ACTR3C: variants seen among roughly 807,000 people sequenced by gnomAD.
ACTR3C encodes actin-related protein 3C.
In ACTR3C, 18 loss-of-function variants were observed where a neutral mutation model predicts 26.3. That is an observed-to-expected ratio of 0.68 (90% CI 0.47 to 1.01). ACTR3C has a LOEUF of 1.01. ACTR3C is among the 50% of genes least tolerant of loss of function. The probability of loss-of-function intolerance (pLI) is 0.00; values close to 1 mark genes in which losing one functional copy is unlikely to be tolerated. For missense variants in ACTR3C, 184 were observed against 250.7 expected (o/e 0.73, Z 1.80); for synonymous variants, 55 against 94.5 (o/e 0.58, Z 2.42).
chr7:150,184,511 A>C, the ACTR3C span, among the ~76,000 whole-genome samples: 1 of 150,422 alleles, frequency 6.6e-6, no homozygotes, highest in Non-Finnish European at 1.5e-5. Flanking sequence ...CCAGAGGTGA[A>C]TCTATCTCCA....
chr7:150,183,246 G>A, the ACTR3C span, among the ~76,000 whole-genome samples: 1 of 148,706 alleles, frequency 6.7e-6, no homozygotes. Flanking sequence ...TGTGTTCCAG[G>A]TATAGCATTA....
At chr7:150,275,027 C>T (rs1834757637) in intron 6 of ACTR3C, among the ~76,000 whole-genome samples, 1 of 152,320 alleles carries the variant, frequency 6.6e-6, no homozygotes, top group Admixed American at 6.5e-5. Context: ...GGCAGGTCAG[C>T]ATTTTAGCCA....
the ACTR3C span, among the ~76,000 whole-genome samples, chr7:150,204,441 G>A: frequency 2.0e-3 from 304 of 150,226 alleles, no homozygotes; most frequent in African/African-American, 7.3e-3. Flanking sequence ...GTGTGAGGAT[G>A]TGTGAAGGCA....
intron 1 of ACTR3C, among the ~76,000 whole-genome samples, chr7:150,302,474 G>C (rs1795501182): frequency 6.6e-6 from 1 of 151,710 alleles, no homozygotes; most frequent in Admixed American, 6.6e-5. Context: ...ACTAAAAATA[G>C]TGGAACTGCT....
chr7:150,027,352 A>G, the ACTR3C span, among the ~76,000 whole-genome samples: 1 of 149,510 alleles, frequency 6.7e-6, no homozygotes, highest in Admixed American at 6.6e-5. Context: ...CTCACTGCAA[A>G]CTCCGCCTCC....
chr7:149,934,263 C>T, the ACTR3C span, among the ~76,000 whole-genome samples: 3 of 152,150 alleles, frequency 2.0e-5, no homozygotes, highest in Non-Finnish European at 4.4e-5. Context: ...TTAAATTCCA[C>T]TCAATGTTAG....
chr7:150,004,175 A>G, the ACTR3C span, among the ~76,000 whole-genome samples: 2 of 150,626 alleles, frequency 1.3e-5, no homozygotes, highest in Non-Finnish European at 1.5e-5. Flanking sequence ...TGTATGATGT[A>G]TGATGTCATA....
At chr7:150,059,111 T>C in the ACTR3C span, among the ~76,000 whole-genome samples, 2 of 152,182 alleles carry the variant, frequency 1.3e-5, no homozygotes, top group Non-Finnish European at 2.9e-5. Context: ...CTGTAGGACA[T>C]ACTGCACACC....
chr7:150,253,086 G>A (rs562439828), intron 6 of ACTR3C, among the ~76,000 whole-genome samples: 4 of 152,210 alleles, frequency 2.6e-5, no homozygotes, highest in East Asian at 1.9e-4. Context: ...GCTGAATGAC[G>A]TGTACTTGAA....
At chr7:150,086,355 T>C in the ACTR3C span, among the ~76,000 whole-genome samples, 2 of 152,378 alleles carry the variant, frequency 1.3e-5, no homozygotes, top group African/African-American at 4.8e-5. Flanking sequence ...CTTATGCTAG[T>C]ATAAATTTGA....
intron 1 of ACTR3C, among the ~76,000 whole-genome samples, chr7:150,315,200 G>A (rs943934413): frequency 7.3e-5 from 11 of 150,454 alleles, no homozygotes; most frequent in African/African-American, 2.7e-4. Context: ...TCTCTAAAAG[G>A]ACACAAAAAG....
chr7:149,998,387 G>A, the ACTR3C span, among the ~76,000 whole-genome samples: 5 of 149,284 alleles, frequency 3.3e-5, no homozygotes, highest in African/African-American at 1.2e-4. Context: ...ACCTGTATTC[G>A]TCCATTCTCA....
the ACTR3C span, among the ~76,000 whole-genome samples, chr7:150,186,970 C>T: frequency 1.3e-5 from 2 of 152,024 alleles, no homozygotes; most frequent in African/African-American, 2.4e-5. Flanking sequence ...CTTTCTCAAA[C>T]TATTTACAGG....
At chr7:150,137,951 T>A in the ACTR3C span, among the ~76,000 whole-genome samples, 1 of 152,168 alleles carries the variant, frequency 6.6e-6, no homozygotes, top group African/African-American at 2.4e-5. Flanking sequence ...TCTAGATGGT[T>A]CCACATGGGT....
At chr7:150,278,877 A>T (rs551836864) in intron 6 of ACTR3C, among the ~76,000 whole-genome samples, 8 of 152,206 alleles carry the variant, frequency 5.3e-5, no homozygotes, top group Non-Finnish European at 1.5e-5. Flanking sequence ...ATCTGTTCAC[A>T]TATTATACTT....
At chr7:149,892,937 A>C in the ACTR3C span, among the ~76,000 whole-genome samples, 4 of 151,486 alleles carry the variant, frequency 2.6e-5, no homozygotes, top group African/African-American at 9.7e-5. Flanking sequence ...CTGTAGCCAA[A>C]AAAAGTACCA....
chr7:150,252,154 G>A (rs2129609321), intron 6 of ACTR3C, among the ~76,000 whole-genome samples: 1 of 152,128 alleles, frequency 6.6e-6, no homozygotes, highest in South Asian at 2.1e-4. Flanking sequence ...GTGCATGTGT[G>A]TGTGTGTGTG....
At chr7:150,189,654 A>G in the ACTR3C span, among the ~76,000 whole-genome samples, 2 of 122,428 alleles carry the variant, frequency 1.6e-5, no homozygotes, top group African/African-American at 6.3e-5. Context: ...ATTATTTGGT[A>G]TTAGTCCCTT....
At chr7:150,112,873 G>A in the ACTR3C span, among the ~76,000 whole-genome samples, 4 of 152,064 alleles carry the variant, frequency 2.6e-5, no homozygotes, top group Non-Finnish European at 5.9e-5. Context: ...CCTCCTCCAA[G>A]CTGACCAATT....
Sources: allele counts gnomAD v4.1 joint callset (sites outside exome capture counted in the v4.1 genomes callset), GRCh38; gene constraint gnomAD v4.1.1; transcripts MANE v1.5; gene names NCBI Gene and HGNC (gene_info 2026-07-23, HGNC 2026-07-21).